NEK11: variants seen among roughly 807,000 people sequenced by gnomAD.
NEK11 encodes the protein serine/threonine-protein kinase Nek11.
NEK11 carries 72 observed loss-of-function variants against 80.7 expected under a neutral mutation model. The observed-to-expected ratio is 0.89, with a 90% confidence interval of 0.74 to 1.08. The LOEUF (loss-of-function observed/expected upper bound fraction) is 1.08. Ranked by LOEUF, NEK11 falls within the 50% of genes least tolerant of loss-of-function variation. The pLI is 0.00. For synonymous variants in NEK11, 251 were observed against 260.7 expected, an observed-to-expected ratio of 0.96 and a Z score of 0.36; for missense variants, 764 against 763.6, an observed-to-expected ratio of 1.00 and a Z score of -0.01.
intron 5 of NEK11, among the ~76,000 whole-genome samples, chr3:131,120,467 C>T (rs1403983873): frequency 2.6e-5 from 4 of 152,150 alleles, no homozygotes; most frequent in East Asian, 1.9e-4. Flanking sequence ...TGGAGTTGCT[C>T]GTCTTGAGGA....
chr3:131,123,262 G>A lies in NEK11; in HGVS notation c.456-9483G>A, dbSNP rs532501836. Among the ~76,000 whole-genome samples the A allele has an allele frequency of 7.2e-5, 11 of 152,178 alleles. No homozygotes were observed. In the East Asian group the frequency reaches 1.9e-3, roughly 27 times the overall value. On this transcript the variant is annotated intron_variant, in intron 5 of 17. Transcript: ENST00000383366. ...GCTCACTGTAACCTCTGCTTCCCAG[G>A]TTCAAGCAATTCTCCTGCCTCAACC...
chr3:131,084,133 CT>C (rs1178785270), intron 4 of NEK11, among the ~76,000 whole-genome samples: 1 of 152,144 alleles, frequency 6.6e-6, no homozygotes, highest in African/African-American at 2.4e-5. Context: ...CTAGAAATCA[CT>C]CCCCACCCCA....
chr3:131,135,267 A>G (rs1238440424), intron 7 of NEK11, among the ~76,000 whole-genome samples: 1 of 152,024 alleles, frequency 6.6e-6, no homozygotes, highest in Admixed American at 6.6e-5. Flanking sequence ...GCAATTGTTC[A>G]TTTCTAAATT....
intron 17 of NEK11, among the ~76,000 whole-genome samples, chr3:131,290,691 A>C (rs909174518): frequency 1.3e-5 from 2 of 152,168 alleles, no homozygotes; most frequent in Non-Finnish European, 2.9e-5. Flanking sequence ...GACAGCTTTC[A>C]ACCATGCACC....
intron 14 of NEK11, among the ~76,000 whole-genome samples, chr3:131,220,335 T>C (rs1032376445): frequency 2.0e-5 from 3 of 151,150 alleles, no homozygotes; most frequent in African/African-American, 7.3e-5. Flanking sequence ...AAAATAATAT[T>C]TTTATTTTTA....
intron 17 of NEK11, among the ~76,000 whole-genome samples, chr3:131,319,617 T>TA (rs1465234800): frequency 6.6e-6 from 1 of 152,178 alleles, no homozygotes; most frequent in Non-Finnish European, 1.5e-5. Context: ...CTTCTCTTCT[T>TA]ACTCCTATCA....
At chr3:131,251,291 A>G (rs1692310658) in intron 16 of NEK11, among the ~76,000 whole-genome samples, 1 of 151,996 alleles carries the variant, frequency 6.6e-6, no homozygotes, top group African/African-American at 2.4e-5. Context: ...CTTGTTTTTA[A>G]CATTAAAAGC....
intron 5 of NEK11, among the ~76,000 whole-genome samples, chr3:131,118,550 C>A (rs2081734804): frequency 1.3e-5 from 2 of 152,166 alleles, no homozygotes; most frequent in South Asian, 2.1e-4. Context: ...AGGAATGATA[C>A]CAATTCATGT....
intron 17 of NEK11, among the ~76,000 whole-genome samples, chr3:131,323,206 CT>C (rs1325622256): frequency 6.6e-6 from 1 of 152,182 alleles, no homozygotes; most frequent in Admixed American, 6.5e-5. Flanking sequence ...TCTCTTTTGG[CT>C]TCAGAAAGCA....
chr3:131,141,560 G>GGT (rs1363765207), intron 7 of NEK11, among the ~76,000 whole-genome samples: 3 of 152,154 alleles, frequency 2.0e-5, no homozygotes, highest in Non-Finnish European at 2.9e-5. Context: ...TTCCAAATGA[G>GGT]GTGGTATATG....
At chr3:131,311,328 C>G (rs2096780558) in intron 17 of NEK11, among the ~76,000 whole-genome samples, 1 of 152,184 alleles carries the variant, frequency 6.6e-6, no homozygotes, top group Non-Finnish European at 1.5e-5. Flanking sequence ...AGTCACCCTA[C>G]TCTGCTGTCA....
At position 131,152,692 on chromosome 3, in the gene NEK11, C is replaced by G. The variant is rs772679025; in HGVS notation, c.859C>G (p.Leu287Val). Residue 287 changes from leucine (L) to valine (V), a missense_variant, in exon 9 of 18, where the codon CTT becomes GTT. Leu to Val is a conservative substitution (Grantham distance 32, BLOSUM62 1). Coordinates refer to ENST00000383366, the MANE Select transcript of NEK11 (RefSeq NM_024800.5). ...TATCGAAATTTTAAAAATCCCTTACCTTGATGAGCAGCTACAGGTATTTAA... is the reference window on the plus strand; with the variant it reads ...TATCGAAATTTTAAAAATCCCTTACGTTGATGAGCAGCTACAGGTATTTAA... ...SAIEILKIPY[L>V]DEQLQNLMCR... 4.3e-6 allele frequency: 7 copies of G among 1,611,588 alleles called. No individual in the cohort carries two copies. Among genetic ancestry groups the G allele is most frequent in the Non-Finnish European group, 5.9e-6 (7 of 1,178,090 alleles).
chr3:131,050,508 G>A (rs1031060562), intron 3 of NEK11, among the ~76,000 whole-genome samples: 3 of 152,154 alleles, frequency 2.0e-5, no homozygotes, highest in Non-Finnish European at 4.4e-5. Flanking sequence ...GACACCGTTG[G>A]TTTATTAAAT....
intron 7 of NEK11, among the ~76,000 whole-genome samples, chr3:131,144,291 A>G (rs934128048): frequency 2.6e-5 from 4 of 152,086 alleles, no homozygotes; most frequent in Admixed American, 1.3e-4. Context: ...TTATTTGCTT[A>G]TCTCTTCACA....
chr3:131,269,581 G>A (rs1358763479), intron 16 of NEK11, among the ~76,000 whole-genome samples: 2 of 152,194 alleles, frequency 1.3e-5, no homozygotes, highest in Admixed American at 6.5e-5. Context: ...CAGTCCCAAT[G>A]AGATGAGCTT....
chr3:131,033,099 G>C (rs951895701), intron 3 of NEK11, among the ~76,000 whole-genome samples: 2 of 151,964 alleles, frequency 1.3e-5, no homozygotes, highest in African/African-American at 4.8e-5. Flanking sequence ...AAAATAAATT[G>C]GTTCTCAGAA....
chr3:131,214,873 A>G (rs1411362195), intron 14 of NEK11, among the ~76,000 whole-genome samples: 2 of 152,150 alleles, frequency 1.3e-5, no homozygotes, highest in African/African-American at 2.4e-5. Context: ...ATGAATATGC[A>G]TTTTGTCTAA....
chr3:131,067,365 T>C (rs998511523), intron 3 of NEK11, among the ~76,000 whole-genome samples: 1 of 152,218 alleles, frequency 6.6e-6, no homozygotes, highest in Non-Finnish European at 1.5e-5. Context: ...TTATTTCATA[T>C]GTAAGTTGGA....
At chr3:131,325,994 T>C (rs546137909) in intron 17 of NEK11, 5 of 152,300 alleles carry the variant, frequency 3.3e-5, no homozygotes. Context: ...AAGAGAAACC[T>C]GCCTACTAGT....
Sources: allele counts gnomAD v4.1 joint callset (sites outside exome capture counted in the v4.1 genomes callset), GRCh38; gene constraint gnomAD v4.1.1; transcripts MANE v1.5; gene names NCBI Gene and HGNC (gene_info 2026-07-23, HGNC 2026-07-21).